SLC6A6: variants seen among roughly 807,000 people sequenced by gnomAD.
SLC6A6 encodes the protein sodium- and chloride-dependent taurine transporter.
A neutral mutation model predicts 68.8 loss-of-function variants in SLC6A6; 16 were observed. The observed-to-expected ratio is 0.23, with a 90% CI of 0.16 to 0.35. SLC6A6 has a LOEUF of 0.35. SLC6A6 is among the 10% of genes least tolerant of loss of function. The pLI is 1.00. For missense variants in SLC6A6, 474 were observed against 802.8 expected (o/e 0.59, Z 4.95); for synonymous variants, 312 against 315.4 (o/e 0.99, Z 0.12).
chr3:14,472,351 C>G lies in SLC6A6; in HGVS notation c.1209+34C>G, dbSNP rs1487948818. On this transcript the variant is annotated intron_variant, in intron 10 of 14. Coordinates refer to ENST00000622186, the MANE Select transcript of SLC6A6 (RefSeq NM_003043.6). The surrounding 1 kb of genome is among the most constrained non-coding windows in gnomAD (Gnocchi z 4.5). ...AAGGGATGGCCCTGGGGCGACTGCC[C>G]CTGTGGGGAACCTGACTCTGGGAAA... The G allele has an allele frequency of 3.8e-6, 5 of 1,315,622 alleles. No homozygotes were observed. Among genetic ancestry groups the G allele is most frequent in the Middle Eastern group, 1.8e-4 (1 of 5,426 alleles). The allele number at this position is 1,315,622 out of a possible 1,614,324, so 81.5% of individuals were successfully genotyped here. A position where few individuals can be genotyped will look rare whatever the true frequency, so the allele number is the denominator to read the frequency against.
chr3:14,432,384 A>G (rs1009597778), intron 2 of SLC6A6, among the ~76,000 whole-genome samples: 7 of 152,186 alleles, frequency 4.6e-5, no homozygotes, highest in African/African-American at 1.7e-4. Flanking sequence ...CGAAGCTGAC[A>G]GCAAGAGTGA....
rs543554342 is a variant in SLC6A6 at position 14,472,910 on chromosome 3, G to T, written c.1209+593G>T. Among the ~76,000 whole-genome samples, 4 of 152,198 alleles carry T rather than the reference G, an allele frequency of 2.6e-5. No homozygotes were observed. The highest frequency in any genetic ancestry group is 5.9e-5 in the Non-Finnish European group (4 of 68,034). On this transcript the variant is annotated intron_variant, in intron 10 of 14. Coordinates refer to ENST00000622186, the MANE Select transcript of SLC6A6 (RefSeq NM_003043.6). This position sits in a 1 kb window ranked among gnomAD's most constrained non-coding sequence, Gnocchi z 4.5. ...CCGTGCTTTATACACCGCACAGGCCGGGAGCCTCGCTCAAACCCGCCCTGA... is the reference window on the plus strand; with the variant it reads ...CCGTGCTTTATACACCGCACAGGCCTGGAGCCTCGCTCAAACCCGCCCTGA...
intron 6 of SLC6A6, among the ~76,000 whole-genome samples, chr3:14,459,542 C>A (rs1454926406): frequency 6.6e-6 from 1 of 152,096 alleles, no homozygotes; most frequent in African/African-American, 2.4e-5. Flanking sequence ...GGAAGGGAAG[C>A]AGTCCAGGCC....
rs186009524 is a variant in SLC6A6, at chr3:14,419,009, C to A, written c.-12+2556C>A. On this transcript the variant is annotated intron_variant, in intron 2 of 14. Coordinates refer to ENST00000622186, the MANE Select transcript of SLC6A6 (RefSeq NM_003043.6). The stretch of plus-strand genomic sequence containing the variant: ...ACCTGGGAAATGAGGCTCCTGCTGC[C>A]GTGAGGCTGGAATGTGAGTTCTGCT... Among the ~76,000 whole-genome samples the A allele has an allele frequency of 2.0e-5, 3 of 152,312 alleles. No individual in the cohort carries two copies. In the East Asian group the frequency reaches 5.8e-4, roughly 29 times the overall value.
intron 14 of SLC6A6, among the ~76,000 whole-genome samples, chr3:14,482,689 G>A (rs2125000578): frequency 6.6e-6 from 1 of 152,284 alleles, no homozygotes; most frequent in South Asian, 2.1e-4. Flanking sequence ...TGGCAGGGGA[G>A]GGAGGGGAGA....
intron 6 of SLC6A6, among the ~76,000 whole-genome samples, chr3:14,461,563 C>T (rs1233741651): frequency 6.6e-6 from 1 of 152,176 alleles, no homozygotes; most frequent in Non-Finnish European, 1.5e-5. Flanking sequence ...GAGGAGGCCC[C>T]GGAGTGAGCA....
chr3:14,458,277 T>A (rs1385000570), intron 6 of SLC6A6, among the ~76,000 whole-genome samples, 195 bp downstream of exon 6: 1 of 152,208 alleles, frequency 6.6e-6, no homozygotes, highest in Non-Finnish European at 1.5e-5. Context: ...GTGTCAGTGC[T>A]CCCACCATGT....
At chr3:14,439,896 G>A (rs1699942149) in intron 2 of SLC6A6, among the ~76,000 whole-genome samples, 1 of 152,110 alleles carries the variant, frequency 6.6e-6, no homozygotes. Flanking sequence ...GCTCCTAAGG[G>A]TTTGGATACA....
At chr3:14,484,824 G>A (rs767078713) in intron 14 of SLC6A6, 43 bp from the exon 15 acceptor site, 1 of 1,600,602 alleles carries the variant, frequency 6.2e-7, no homozygotes, top group Non-Finnish European at 8.5e-7. Context: ...GGGAGACCAG[G>A]CCGCCTGACG....
At chr3:14,446,911 C>A (rs1223394973) in intron 4 of SLC6A6, among the ~76,000 whole-genome samples, 1 of 152,184 alleles carries the variant, frequency 6.6e-6, no homozygotes, top group Non-Finnish European at 1.5e-5. Flanking sequence ...TGAGTCTCTT[C>A]ATTCGGTCAT....
chr3:14,465,126 G>C (rs7611000), intron 6 of SLC6A6, among the ~76,000 whole-genome samples: 1 of 152,042 alleles, frequency 6.6e-6, no homozygotes, highest in Non-Finnish European at 1.5e-5. Context: ...CACTAGGATC[G>C]AACTGTCCAT....
intron 1 of SLC6A6, among the ~76,000 whole-genome samples, chr3:14,409,742 G>A (rs1484419137): frequency 1.3e-5 from 2 of 152,246 alleles, no homozygotes; most frequent in Non-Finnish European, 2.9e-5. Context: ...CGCCGCCTCA[G>A]GTCTGAGGGA....
chr3:14,482,542 C>T (rs1435232517), intron 14 of SLC6A6, among the ~76,000 whole-genome samples: 1 of 152,230 alleles, frequency 6.6e-6, no homozygotes, highest in Non-Finnish European at 1.5e-5. Flanking sequence ...TCCAAGAGTG[C>T]ACTGTTTTGT....
At chr3:14,413,123 C>A (rs949935316) in intron 1 of SLC6A6, among the ~76,000 whole-genome samples, 1 of 152,206 alleles carries the variant, frequency 6.6e-6, no homozygotes, top group East Asian at 1.9e-4. Flanking sequence ...AGGCCCACAG[C>A]GGGATTTGGG....
chr3:14,412,553 C>G (rs1384448142), intron 1 of SLC6A6, among the ~76,000 whole-genome samples: 1 of 152,132 alleles, frequency 6.6e-6, no homozygotes, highest in Admixed American at 6.6e-5. Flanking sequence ...GTGGCACGCA[C>G]CTGTAGTCCC....
chr3:14,405,294 C>T (rs1699081980), intron 1 of SLC6A6, among the ~76,000 whole-genome samples: 1 of 152,200 alleles, frequency 6.6e-6, no homozygotes, highest in East Asian at 1.9e-4. Context: ...CTGCAGGGGT[C>T]AGCCCTCCAC....
intron 1 of SLC6A6, among the ~76,000 whole-genome samples, chr3:14,406,714 A>T (rs780408874): frequency 6.6e-6 from 1 of 152,218 alleles, no homozygotes; most frequent in Non-Finnish European, 1.5e-5. Context: ...ACCTGGGCAG[A>T]GGCTGATGCC....
intron 2 of SLC6A6, among the ~76,000 whole-genome samples, chr3:14,422,330 C>G (rs184594167): frequency 6.6e-6 from 1 of 152,172 alleles, no homozygotes; most frequent in Non-Finnish European, 1.5e-5. Flanking sequence ...AGAGCTGGGA[C>G]AAGTCACTAA....
At position 14,472,246 on chromosome 3, in the gene SLC6A6, A is replaced by G. The variant is rs1033304540; in HGVS notation, c.1138A>G (p.Met380Val). Residue 380 changes from methionine to valine, a missense_variant, in exon 10 of 15, where the codon ATG (methionine) becomes GTG (valine). Met to Val is a conservative substitution (Grantham distance 21). Coordinates refer to ENST00000622186, the MANE Select transcript of SLC6A6 (RefSeq NM_003043.6). The surrounding 1 kb of genome is among the most constrained non-coding windows in gnomAD (Gnocchi z 4.5). The part of the protein sequence containing the change: ...AFIAYPKAVT[M>V]MPLPTFWSIL... ...CATTGCCTACCCAAAAGCTGTGACA[A>G]TGATGCCGCTGCCCACATTTTGGTC... The G allele has an allele frequency of 4.3e-6, 7 of 1,613,932 alleles. No individual in the cohort carries two copies. The highest frequency in any genetic ancestry group is 2.2e-5 in the East Asian group (1 of 44,882).
Sources: allele counts gnomAD v4.1 joint callset (sites outside exome capture counted in the v4.1 genomes callset), GRCh38; gene constraint gnomAD v4.1.1; non-coding constraint Gnocchi (gnomAD v3.1); transcripts MANE v1.5; gene names NCBI Gene and HGNC (gene_info 2026-07-23, HGNC 2026-07-21).